Variants in CNTN5 observed in about 807,000 individuals in gnomAD.
CNTN5 encodes the protein contactin-5.
In CNTN5, 77 loss-of-function variants were observed where a neutral mutation model predicts 129.1. The ratio of observed to expected loss-of-function variants is 0.60; its 90% CI spans 0.50 to 0.72. The LOEUF is 0.72. Ranked by LOEUF, CNTN5 falls within the 30% of genes least tolerant of loss-of-function variation. The probability of loss-of-function intolerance (pLI) is 0.00; values close to 1 mark genes in which losing one functional copy is unlikely to be tolerated. For synonymous variants in CNTN5, 509 were observed against 465.6 expected (o/e 1.09, Z -1.20); for missense variants, 1,478 against 1,328.8 (o/e 1.11, Z -1.75).
chr11:99,624,720 A>G (rs558140680), intron 3 of CNTN5, among the ~76,000 whole-genome samples: 2 of 152,256 alleles, frequency 1.3e-5, no homozygotes, highest in South Asian at 4.1e-4. Flanking sequence ...CACAGGCAGC[A>G]CGGTTATTAA....
intron 4 of CNTN5, among the ~76,000 whole-genome samples, chr11:99,820,614 C>G (rs1051937309): frequency 1.2e-4 from 3 of 25,480 alleles, no homozygotes; most frequent in African/African-American, 4.2e-4. Context: ...TATTACTAGT[C>G]TCTATCCAGT....
intron 1 of CNTN5, among the ~76,000 whole-genome samples, chr11:99,103,867 T>A (rs781182612): frequency 2.6e-5 from 4 of 151,638 alleles, no homozygotes; most frequent in Non-Finnish European, 4.4e-5. Context: ...AGCCAAAAAA[T>A]GCATGAAGCC....
rs183474328 is a variant in CNTN5 at position 99,250,713 on chromosome 11, T to C, written c.-209-74633T>C. Among the ~76,000 whole-genome samples, 11 of 152,016 alleles carry C rather than the reference T, an allele frequency of 7.2e-5. No homozygotes were observed. The East Asian group carries it at 1.2e-3, about 16-fold the overall frequency. On this transcript the variant is annotated intron_variant, in intron 1 of 24. Transcript: ENST00000524871. ...CATAGATGACTGATTATACTTGTTA[T>C]AGTGGCAAGTACTATCATGTGGTCA...
intron 3 of CNTN5, among the ~76,000 whole-genome samples, chr11:99,584,556 TA>T (rs1448375917): frequency 6.6e-6 from 1 of 152,218 alleles, no homozygotes; most frequent in East Asian, 1.9e-4. Context: ...GCAACTGTAT[TA>T]AATAAAATAT....
At chr11:100,114,360 A>G (rs1168731534) in intron 13 of CNTN5, among the ~76,000 whole-genome samples, 1 of 152,124 alleles carries the variant, frequency 6.6e-6, no homozygotes, top group African/African-American at 2.4e-5. Flanking sequence ...CAGTATTTGG[A>G]TCATATTCCA....
intron 9 of CNTN5, among the ~76,000 whole-genome samples, chr11:100,012,874 G>A (rs1333362126): frequency 6.6e-6 from 1 of 152,102 alleles, no homozygotes; most frequent in Non-Finnish European, 1.5e-5. Flanking sequence ...GATTAGTTTA[G>A]ACTTATCCAA....
intron 3 of CNTN5, among the ~76,000 whole-genome samples, chr11:99,791,674 C>T (rs1945748011): frequency 6.6e-6 from 1 of 152,108 alleles, no homozygotes; most frequent in Admixed American, 6.6e-5. Context: ...AAGTTTGATA[C>T]AGACAGCAGT....
chr11:99,982,568 CAAACTT>C (rs923212373), intron 8 of CNTN5, among the ~76,000 whole-genome samples: 6 of 152,126 alleles, frequency 3.9e-5, no homozygotes, highest in East Asian at 3.9e-4. Flanking sequence ...GAAACAGACT[CAAACTT>C]AAAACTAAGG....
chr11:99,874,758 T>G (rs1259066451), intron 6 of CNTN5, among the ~76,000 whole-genome samples: 1 of 152,208 alleles, frequency 6.6e-6, no homozygotes, highest in Non-Finnish European at 1.5e-5. Context: ...ATGAACAATT[T>G]ACTTGATAAA....
chr11:100,059,179 T>C (rs974657667), intron 9 of CNTN5, among the ~76,000 whole-genome samples: 3 of 152,196 alleles, frequency 2.0e-5, no homozygotes, highest in Non-Finnish European at 2.9e-5. Context: ...GTTTTACTTA[T>C]TTAATGATGC....
intron 3 of CNTN5, among the ~76,000 whole-genome samples, chr11:99,791,454 G>C (rs1278478276): frequency 6.6e-6 from 1 of 152,028 alleles, no homozygotes; most frequent in Non-Finnish European, 1.5e-5. Context: ...GATGGTTGCA[G>C]GTGCATGGCA....
intron 3 of CNTN5, among the ~76,000 whole-genome samples, chr11:99,567,082 G>A (rs191356442): frequency 5.3e-5 from 8 of 152,180 alleles, no homozygotes; most frequent in African/African-American, 1.7e-4. Flanking sequence ...TTGCACTTGG[G>A]TAAGTAAAGT....
At chr11:99,354,274 A>G (rs1938493506) in intron 2 of CNTN5, among the ~76,000 whole-genome samples, 1 of 152,170 alleles carries the variant, frequency 6.6e-6, no homozygotes, top group South Asian at 2.1e-4. Context: ...AAAGTATATT[A>G]ATACACCTGT....
At chr11:100,258,799 T>C (rs1462027028) in intron 17 of CNTN5, among the ~76,000 whole-genome samples, 1 of 152,068 alleles carries the variant, frequency 6.6e-6, no homozygotes, top group Non-Finnish European at 1.5e-5. Context: ...AAGGAAGCAC[T>C]CAATATGGAA....
chr11:99,961,770 G>A (rs1166324537), intron 8 of CNTN5, among the ~76,000 whole-genome samples: 1 of 152,146 alleles, frequency 6.6e-6, no homozygotes, highest in Non-Finnish European at 1.5e-5. Flanking sequence ...GCACTCTAGT[G>A]CAAAACTCTT....
chr11:100,020,552 A>G (rs935003969), intron 9 of CNTN5, among the ~76,000 whole-genome samples: 1 of 152,040 alleles, frequency 6.6e-6, no homozygotes, highest in African/African-American at 2.4e-5. Flanking sequence ...AGATTCTGAG[A>G]TCAGGAAGTA....
chr11:99,042,626 C>T (rs575815588), intron 1 of CNTN5, among the ~76,000 whole-genome samples: 2 of 152,046 alleles, frequency 1.3e-5, no homozygotes, highest in South Asian at 2.1e-4. Context: ...CTGCCTGTCT[C>T]GGCCTCTCAA....
chr11:99,406,591 C>A (rs1221438861), intron 2 of CNTN5, among the ~76,000 whole-genome samples: 1 of 152,130 alleles, frequency 6.6e-6, no homozygotes, highest in African/African-American at 2.4e-5. Context: ...TGGGGCTCTA[C>A]AATCAGCGGG....
At chr11:100,224,887 C>A in intron 16 of CNTN5, 75 bp downstream of exon 16, 2 of 1,460,952 alleles carry the variant, frequency 1.4e-6, no homozygotes, top group Non-Finnish European at 1.9e-6. Flanking sequence ...AATGCATGGA[C>A]TTTGAGCACA....
Sources: gnomAD v4.1 joint callset for allele counts (sites outside exome capture counted in the v4.1 genomes callset) on GRCh38, gnomAD v4.1.1 for gene constraint, MANE v1.5 for transcripts, NCBI Gene and HGNC (gene_info 2026-07-23, HGNC 2026-07-21) for gene names.